Variants in LYRM4 observed in about 807,000 individuals in gnomAD.
LYRM4 encodes the protein LYR motif containing 4.
LYRM4 carries 9 observed loss-of-function variants against 11.7 expected under a neutral mutation model. That is an observed-to-expected ratio of 0.77 (90% CI 0.46 to 1.34). The LOEUF is 1.34. Ranked by LOEUF, LYRM4 falls within the 40% of genes most tolerant of loss-of-function variation. LYRM4 has a pLI of 0.00. For synonymous variants in LYRM4, 42 were observed against 40.4 expected, an observed-to-expected ratio of 1.04 and a Z score of -0.15; for missense variants, 133 against 112.5, an observed-to-expected ratio of 1.18 and a Z score of -0.82.
At chr6:5,157,899 G>A (rs1758509245) in intron 2 of LYRM4, among the ~76,000 whole-genome samples, 1 of 152,190 alleles carries the variant, frequency 6.6e-6, no homozygotes, top group African/African-American at 2.4e-5. Context: ...TACCCCAGCC[G>A]GCCAGCAGCC....
chr6:5,243,963 T>G (rs1012545351), intron 1 of LYRM4, among the ~76,000 whole-genome samples: 6 of 152,260 alleles, frequency 3.9e-5, no homozygotes, highest in African/African-American at 1.4e-4. Flanking sequence ...CCTTACGTTC[T>G]TATTTTTTAA....
chr6:5,216,753 AG>A lies in LYRM4; in HGVS notation c.87-16del, dbSNP rs1212903811. On this transcript the variant is annotated splice_polypyrimidine_tract_variant and intron_variant, in intron 1 of 2. Coordinates refer to ENST00000330636, the MANE Select transcript of LYRM4 (RefSeq NM_020408.6). ...CAGCATATGTTCTAAATGAATTCAG[AG>A]GAAAAAAAAGAAAAGGTGTCAGCGT... 3 of 1,606,330 alleles carry A rather than the reference AG, an allele frequency of 1.9e-6. No individual in the cohort carries two copies. Among genetic ancestry groups the A allele is most frequent in the African/African-American group, 1.3e-5 (1 of 74,392 alleles).
chr6:5,063,725 G>A, the LYRM4 span, among the ~76,000 whole-genome samples: 3 of 152,138 alleles, frequency 2.0e-5, no homozygotes, highest in Admixed American at 6.6e-5. Context: ...GACCACAGTT[G>A]GGGAGCCATC....
intron 2 of LYRM4, among the ~76,000 whole-genome samples, chr6:5,159,360 G>A (rs1758615285): frequency 6.6e-6 from 1 of 152,214 alleles, no homozygotes; most frequent in African/African-American, 2.4e-5. Context: ...GGGAAGCCAG[G>A]AGAGAGGGGT....
chr6:5,155,210 T>G (rs889666716), intron 2 of LYRM4, among the ~76,000 whole-genome samples: 3 of 152,154 alleles, frequency 2.0e-5, no homozygotes, highest in African/African-American at 7.2e-5. Flanking sequence ...GCCTCCTGAG[T>G]AGCTGGGATT....
At chr6:5,151,348 G>T (rs925307472) in intron 2 of LYRM4, among the ~76,000 whole-genome samples, 10 of 152,138 alleles carry the variant, frequency 6.6e-5, no homozygotes, top group African/African-American at 2.4e-4. Context: ...CTCCCACAGT[G>T]CTGGGATTAC....
chr6:5,101,064 TC>T (rs1762484297), downstream of LYRM4, among the ~76,000 whole-genome samples: 1 of 152,098 alleles, frequency 6.6e-6, no homozygotes, highest in African/African-American at 2.4e-5. Context: ...CCCTAGCTGC[TC>T]CACTGCACAT....
intron 2 of LYRM4, among the ~76,000 whole-genome samples, chr6:5,143,436 C>T (rs1757517600): frequency 6.6e-6 from 1 of 152,184 alleles, no homozygotes; most frequent in South Asian, 2.1e-4. Flanking sequence ...ATATTGGTGA[C>T]TGTGATACAG....
chr6:5,096,267 A>G, the LYRM4 span, among the ~76,000 whole-genome samples: 2 of 152,276 alleles, frequency 1.3e-5, no homozygotes, highest in Middle Eastern at 3.4e-3. Flanking sequence ...AGGTGGGAGG[A>G]TTGCTTGAGG....
chr6:5,148,660 CA>C (rs1757913699), intron 2 of LYRM4, among the ~76,000 whole-genome samples: 3 of 63,756 alleles, frequency 4.7e-5, no homozygotes, highest in African/African-American at 1.8e-4. Context: ...TACACACACA[CA>C]CCTCTCTCTC....
At chr6:5,248,677 C>T (rs1044586426) in intron 1 of LYRM4, among the ~76,000 whole-genome samples, 15 of 152,262 alleles carry the variant, frequency 9.9e-5, no homozygotes, top group Non-Finnish European at 1.9e-4. Context: ...CTGCTTTCTT[C>T]AGCTCCGATC....
At chr6:5,252,930 C>G (rs572743171) in intron 1 of LYRM4, among the ~76,000 whole-genome samples, 12 of 152,092 alleles carry the variant, frequency 7.9e-5, no homozygotes, top group African/African-American at 2.7e-4. Context: ...AGAATAAGCC[C>G]CCAATTAAGC....
intron 1 of LYRM4, among the ~76,000 whole-genome samples, chr6:5,239,545 G>A (rs1009529558): frequency 4.6e-5 from 7 of 152,016 alleles, no homozygotes; most frequent in Non-Finnish European, 7.4e-5. Flanking sequence ...AATGTCAAGC[G>A]GAGCCAAGAG....
Position 5,211,096 on chromosome 6 carries a change from T to C in LYRM4, c.207+5522A>G, listed in dbSNP as rs549711535. Among the ~76,000 whole-genome samples, 14 of 152,338 alleles carry C rather than the reference T, an allele frequency of 9.2e-5. 1 individual carries two copies. The South Asian group carries it at 2.3e-3, about 25-fold the overall frequency. ...ATTAATAATACTTAAGGTAAATGCA[T>C]ACAAGTGGAGAGATATGGGGTGCAC... is the stretch of plus-strand genomic sequence containing the variant. On this transcript the variant is annotated intron_variant, in intron 2 of 2. Coordinates refer to ENST00000330636, the MANE Select transcript of LYRM4 (RefSeq NM_020408.6).
chr6:5,059,714 G>T, the LYRM4 span, among the ~76,000 whole-genome samples: 67 of 151,980 alleles, frequency 4.4e-4, no homozygotes, highest in African/African-American at 1.5e-3. Flanking sequence ...TCCCTAAAAA[G>T]AAGGGTATTT....
At chr6:5,225,506 A>C (rs1762834399) in intron 1 of LYRM4, among the ~76,000 whole-genome samples, 1 of 147,444 alleles carries the variant, frequency 6.8e-6, no homozygotes, top group Non-Finnish European at 1.6e-5. Flanking sequence ...TTAAATGAAA[A>C]TCTATCTTAG....
chr6:5,077,096 C>T, the LYRM4 span, among the ~76,000 whole-genome samples: 19 of 152,204 alleles, frequency 1.2e-4, no homozygotes, highest in Non-Finnish European at 2.4e-4. Flanking sequence ...GTCACACAGA[C>T]GCTATTCTGG....
intron 1 of LYRM4, among the ~76,000 whole-genome samples, chr6:5,259,262 T>A (rs75369594): frequency 6.6e-6 from 1 of 152,380 alleles, no homozygotes; most frequent in East Asian, 1.9e-4. Flanking sequence ...GGTTTCTATT[T>A]ATTTAACTTG....
chr6:5,174,824 T>C (rs1448799611), intron 2 of LYRM4, among the ~76,000 whole-genome samples: 1 of 152,174 alleles, frequency 6.6e-6, no homozygotes, highest in Non-Finnish European at 1.5e-5. Flanking sequence ...CTAACAAACG[T>C]CGAGAAAGGC....
Sources: gnomAD v4.1 joint callset for allele counts (sites outside exome capture counted in the v4.1 genomes callset) on GRCh38, gnomAD v4.1.1 for gene constraint, MANE v1.5 for transcripts, NCBI Gene and HGNC (gene_info 2026-07-23, HGNC 2026-07-21) for gene names.